Variants in MACROD2 observed in about 807,000 individuals in gnomAD.
MACROD2 encodes the protein mono-ADP ribosylhydrolase 2.
In MACROD2, 36 loss-of-function variants were observed where a neutral mutation model predicts 70.4. The observed-to-expected ratio is 0.51, with a 90% CI of 0.39 to 0.68. The LOEUF (loss-of-function observed/expected upper bound fraction) is 0.68. Among genes scored for constraint, MACROD2 ranks in the 30% least tolerant of loss-of-function variants. The pLI, the probability that MACROD2 is intolerant of heterozygous loss-of-function variation, is 0.00. For synonymous variants in MACROD2, 172 were observed against 178.8 expected, an observed-to-expected ratio of 0.96 and a Z score of 0.30; for missense variants, 496 against 538.4, an observed-to-expected ratio of 0.92 and a Z score of 0.78.
chr20:14,284,482 T>G (rs2122418924), intron 3 of MACROD2, among the ~76,000 whole-genome samples: 1 of 152,334 alleles, frequency 6.6e-6, no homozygotes, highest in Middle Eastern at 3.4e-3. Context: ...TAGCCACATC[T>G]GAAAACTCAG....
chr20:15,461,970 A>G (rs1209191034), intron 7 of MACROD2, among the ~76,000 whole-genome samples: 4 of 152,192 alleles, frequency 2.6e-5, no homozygotes, highest in Non-Finnish European at 4.4e-5. Context: ...TATTAGGTCA[A>G]CTAGCCTCAT....
chr20:15,583,337 A>G (rs2048552554), intron 8 of MACROD2, among the ~76,000 whole-genome samples: 1 of 152,196 alleles, frequency 6.6e-6, no homozygotes, highest in Admixed American at 6.5e-5. Context: ...AACACATTTA[A>G]CGGGCAGATT....
intron 8 of MACROD2, among the ~76,000 whole-genome samples, chr20:15,856,546 C>T (rs1206865148): frequency 1.3e-5 from 2 of 152,166 alleles, no homozygotes; most frequent in Non-Finnish European, 2.9e-5. Context: ...TGAAAACTAT[C>T]TGCCACATAC....
intron 10 of MACROD2, among the ~76,000 whole-genome samples, chr20:15,890,695 T>C (rs1346884195): frequency 1.3e-5 from 2 of 152,150 alleles, no homozygotes; most frequent in Non-Finnish European, 2.9e-5. Context: ...AGCTTTGCAG[T>C]TTATAATGCC....
At chr20:15,745,070 A>C (rs926207353) in intron 8 of MACROD2, among the ~76,000 whole-genome samples, 11 of 152,222 alleles carry the variant, frequency 7.2e-5, no homozygotes. Flanking sequence ...TGGTAGCTAC[A>C]GTCCATTTAT....
At chr20:14,860,503 G>A (rs1435938997) in intron 5 of MACROD2, among the ~76,000 whole-genome samples, 1 of 152,080 alleles carries the variant, frequency 6.6e-6, no homozygotes, top group East Asian at 1.9e-4. Context: ...AGAAAACACC[G>A]CTGCACCTCC....
chr20:14,868,512 A>G (rs1379867907), intron 5 of MACROD2, among the ~76,000 whole-genome samples: 1 of 152,036 alleles, frequency 6.6e-6, no homozygotes, highest in East Asian at 1.9e-4. Flanking sequence ...ATTGGCCACT[A>G]CAATAAGAAA....
chr20:14,285,362 G>A (rs942338249), intron 3 of MACROD2, among the ~76,000 whole-genome samples: 15 of 152,116 alleles, frequency 9.9e-5, no homozygotes, highest in Admixed American at 2.6e-4. Context: ...AAGCAAGGGC[G>A]TCAGGCATCG....
chr20:14,338,643 G>C (rs965888154), intron 3 of MACROD2, among the ~76,000 whole-genome samples: 1 of 152,052 alleles, frequency 6.6e-6, no homozygotes, highest in Non-Finnish European at 1.5e-5. Context: ...TGTTTTTGCT[G>C]ATCTGAGCAT....
chr20:14,920,229 C>G lies in MACROD2; in HGVS notation c.418+235270C>G, dbSNP rs144794967. ...GATAGTTTTCCTTCTTTGTGATGTG[C>G]TCAACTTTCTTTTGCCCCAGGCTTG... On this transcript the variant is annotated intron_variant, in intron 5 of 17. Coordinates refer to ENST00000684519, the MANE Select transcript of MACROD2 (RefSeq NM_001351661.2). Among the ~76,000 whole-genome samples, 529 of 152,272 alleles carry G rather than the reference C, an allele frequency of 3.5e-3. 6 individuals are homozygous for G. Among genetic ancestry groups the G allele is most frequent in the African/African-American group, 0.012 (505 of 41,554 alleles).
At chr20:15,936,671 G>GTGTGTATATATATATATATATA (rs1555797416) in intron 11 of MACROD2, among the ~76,000 whole-genome samples, 1 of 143,268 alleles carries the variant, frequency 7.0e-6, no homozygotes, top group African/African-American at 2.6e-5. Context: ...GTATATGTGT[G>GTGTGTATATATATATATATATA]TATATATATA....
intron 8 of MACROD2, among the ~76,000 whole-genome samples, chr20:15,720,044 ATGT>A (rs2050766065): frequency 6.6e-6 from 1 of 152,184 alleles, no homozygotes; most frequent in African/African-American, 2.4e-5. Flanking sequence ...GAATGAGAAA[ATGT>A]TGTATCTGCT....
intron 8 of MACROD2, among the ~76,000 whole-genome samples, chr20:15,628,808 A>G (rs185078476): frequency 6.6e-6 from 1 of 152,218 alleles, no homozygotes; most frequent in African/African-American, 2.4e-5. Context: ...ATCTTCAGCA[A>G]CTGGGTCTCA....
At chr20:16,045,409 G>A (rs2067366436) in intron 17 of MACROD2, among the ~76,000 whole-genome samples, 1 of 152,074 alleles carries the variant, frequency 6.6e-6, no homozygotes, top group South Asian at 2.1e-4. Flanking sequence ...ACGTGTTGAG[G>A]CAAGGAAAAT....
chr20:14,468,955 G>A (rs2084493668), intron 3 of MACROD2, among the ~76,000 whole-genome samples: 1 of 152,138 alleles, frequency 6.6e-6, no homozygotes, highest in African/African-American at 2.4e-5. Context: ...ATATTGTTAT[G>A]TGTGAATTTG....
intron 6 of MACROD2, among the ~76,000 whole-genome samples, chr20:15,246,152 A>G (rs945038521): frequency 2.6e-5 from 4 of 152,244 alleles, no homozygotes; most frequent in African/African-American, 9.6e-5. Context: ...TATTACTACA[A>G]TTTAAGTTTA....
chr20:15,139,938 T>A (rs2076179268), intron 5 of MACROD2, among the ~76,000 whole-genome samples: 1 of 152,168 alleles, frequency 6.6e-6, no homozygotes, highest in Non-Finnish European at 1.5e-5. Flanking sequence ...AGTTCGCAAC[T>A]GAAAAAAGAG....
rs1182225564 is a variant in MACROD2, at chr20:15,592,040, C to T, written c.645+92193C>T. Among the ~76,000 whole-genome samples the T allele has an allele frequency of 5.3e-5, 8 of 152,166 alleles. No homozygotes were observed. The East Asian group carries it at 9.6e-4, about 18-fold the overall frequency. ...GACATAGGAGGCTCTTCCACCATCT[C>T]GGTCAAGTGTAAGACCTCTCACGTC... On this transcript the variant is annotated intron_variant, in intron 8 of 17. Coordinates refer to ENST00000684519, the MANE Select transcript of MACROD2 (RefSeq NM_001351661.2).
intron 3 of MACROD2, among the ~76,000 whole-genome samples, chr20:14,459,611 A>G (rs1022573277): frequency 3.3e-5 from 5 of 152,178 alleles, no homozygotes; most frequent in African/African-American, 1.2e-4. Context: ...AAAAAAATTA[A>G]CACTGAATTT....
Sources: allele counts gnomAD v4.1 joint callset (sites outside exome capture counted in the v4.1 genomes callset), GRCh38; gene constraint gnomAD v4.1.1; transcripts MANE v1.5; gene names NCBI Gene and HGNC (gene_info 2026-07-23, HGNC 2026-07-21).